HOXD3: variants seen among roughly 807,000 people sequenced by gnomAD.
HOXD3 encodes homeobox protein Hox-D3.
Under a neutral mutation model 32.8 loss-of-function variants are expected in HOXD3, and 13 were observed. The ratio of observed to expected loss-of-function variants is 0.40; its 90% CI spans 0.26 to 0.63. The LOEUF is 0.63. Ranked by LOEUF, HOXD3 falls within the 20% of genes least tolerant of loss-of-function variation. The pLI is 0.44. For missense variants in HOXD3, 504 were observed against 577.1 expected, an observed-to-expected ratio of 0.87 and a Z score of 1.30; for synonymous variants, 241 against 246.8, an observed-to-expected ratio of 0.98 and a Z score of 0.22.
upstream of HOXD3, among the ~76,000 whole-genome samples, chr2:176,156,030 G>A (rs1487522691): frequency 6.6e-6 from 1 of 152,158 alleles, no homozygotes; most frequent in African/African-American, 2.4e-5. Flanking sequence ...TAGTTTTGAT[G>A]TAATTCATTG....
chr2:176,166,259 A>G (rs1205662177), intron 2 of HOXD3, among the ~76,000 whole-genome samples: 2 of 152,240 alleles, frequency 1.3e-5, no homozygotes, highest in Non-Finnish European at 2.9e-5. Flanking sequence ...AAGCAAATAT[A>G]TATATAAAGC....
At chr2:176,161,087 A>C (rs1358781729) in intron 1 of HOXD3, 1 of 152,226 alleles carries the variant, frequency 6.6e-6, no homozygotes, top group Non-Finnish European at 1.5e-5. Context: ...CCAGGTAAGC[A>C]ATTGCATGAC....
chr2:176,155,925 C>G, upstream of HOXD3, among the ~76,000 whole-genome samples: 1 of 152,028 alleles, frequency 6.6e-6, no homozygotes, highest in African/African-American at 2.4e-5. Context: ...GTCAGTCAGC[C>G]CATGATGTCT....
rs766134220 is a variant in HOXD3, at chr2:176,171,794, C to G, written c.819C>G (p.Leu273=). 1.1e-5 allele frequency: 17 copies of G among 1,612,936 alleles called. No homozygotes were observed. The South Asian group carries it at 1.6e-4, about 16-fold the overall frequency. The part of the protein sequence containing the change: ...ASQSPERSPP[L]GGAAGHVAYS... Reference sequence around the variant, plus strand: ...AGTCCCCTGAGCGCAGCCCACCGCTCGGCGGCGCCGCTGGCCACGTGGCCT... The same window carrying G: ...AGTCCCCTGAGCGCAGCCCACCGCTGGGCGGCGCCGCTGGCCACGTGGCCT... The change falls in exon 4 of 4, where the codon CTC becomes CTG. Residue 273 remains leucine, a synonymous_variant. Coordinates refer to ENST00000683222, the MANE Select transcript of HOXD3 (RefSeq NM_006898.5).
upstream of HOXD3, among the ~76,000 whole-genome samples, chr2:176,154,892 T>G (rs1037547009): frequency 1.3e-5 from 2 of 152,220 alleles, no homozygotes; most frequent in African/African-American, 4.8e-5. Flanking sequence ...TCATACATAG[T>G]CAAGACGTCT....
chr2:176,161,553 A>C (rs1014915257), intron 1 of HOXD3, among the ~76,000 whole-genome samples: 1 of 152,146 alleles, frequency 6.6e-6, no homozygotes, highest in East Asian at 1.9e-4. Flanking sequence ...GGGTTGATTT[A>C]TATGTATTTA....
chr2:176,153,901 G>C (rs1467720418), upstream of HOXD3, among the ~76,000 whole-genome samples: 1 of 152,028 alleles, frequency 6.6e-6, no homozygotes, highest in Admixed American at 6.6e-5. Context: ...CTATGCACTG[G>C]GTCATTAGAT....
Position 176,169,224 on chromosome 2 carries a change from C to G in HOXD3, c.110C>G (p.Thr37Ser). 1 of 1,614,142 alleles carries G rather than the reference C, an allele frequency of 6.2e-7. No individual in the cohort carries two copies. The stretch of plus-strand genomic sequence containing the variant: ...TTTGGAGGCTATGGCTACAGCAAAA[C>G]TACGGACACTTACGGCTACAGCACC... ...GLFGGYGYSK[T>S]TDTYGYSTPH... Residue 37 changes from threonine (T) to serine (S), a missense_variant, in exon 3 of 4, where the codon ACT becomes AGT. Transcript: ENST00000683222.
In HOXD3 at chr2:176,171,862, C is replaced by A. The variant is rs1180468526; in HGVS notation, c.887C>A (p.Ala296Glu). The change falls in exon 4 of 4, where the codon GCG (alanine) becomes GAG (glutamate). Residue 296 changes from alanine to glutamate, a missense_variant. Coordinates refer to ENST00000683222, the MANE Select transcript of HOXD3 (RefSeq NM_006898.5). ...LPPVPGLAYD[A>E]PSPPAFAKSQ... The stretch of plus-strand genomic sequence containing the variant: ...CCAGTGCCCGGCCTGGCCTACGACG[C>A]GCCCTCGCCGCCTGCTTTCGCCAAA... 2.5e-6 allele frequency: 4 copies of A among 1,599,980 alleles called. No homozygotes were observed. Among genetic ancestry groups the A allele is most frequent in the South Asian group, 1.1e-5 (1 of 88,928 alleles).
At position 176,171,955 on chromosome 2, in the gene HOXD3, A is replaced by C; in HGVS notation, c.980A>C (p.Lys327Thr). 6.2e-7 allele frequency: 1 copy of C among 1,610,580 alleles called. No individual in the cohort carries two copies. The highest frequency in any genetic ancestry group is 1.7e-5 in the Admixed American group (1 of 59,900). The change falls in exon 4 of 4, where the codon AAG becomes ACG. Residue 327 changes from lysine to threonine, a missense_variant. Physicochemically the swap from Lys to Thr is moderately conservative, Grantham distance 78 (BLOSUM62 -1). This residue lies in a region of HOXD3 where 226 missense variants were observed against 246.9 expected (regional missense o/e 0.92). Coordinates refer to ENST00000683222, the MANE Select transcript of HOXD3 (RefSeq NM_006898.5). ...CTCAGCAGCTGCCTGCCACAACAGA[A>C]GCGCTACGCAGCGCCGGAGTTCGAG... ...APLSSCLPQQKRYAAPEFEPH... is the reference protein window; with the variant it reads ...APLSSCLPQQTRYAAPEFEPH...
chr2:176,152,569 G>A, upstream of HOXD3: 3 of 1,557,198 alleles, frequency 1.9e-6, no homozygotes, highest in Non-Finnish European at 2.7e-6. This position sits in a 1 kb window ranked among gnomAD's most constrained non-coding sequence, Gnocchi z 5.2. Context: ...ACTAGTGGCC[G>A]GGCGCTGACC....
Position 176,170,599 on chromosome 2 carries a change from G to A in HOXD3, c.542-918G>A, listed in dbSNP as rs1487182310. 2.6e-5 allele frequency among the ~76,000 whole-genome samples: 4 copies of A among 152,162 alleles called. No homozygotes were observed. The East Asian group carries it at 7.7e-4, about 29-fold the overall frequency. ...CTTCCAGGTCCAGGGCAAGTTTGGG[G>A]CCTGGGGTGTGGCTTGCTATCAGGG... On this transcript the variant is annotated intron_variant, in intron 3 of 3. Coordinates refer to ENST00000683222, the MANE Select transcript of HOXD3 (RefSeq NM_006898.5).
At chr2:176,170,519 A>G (rs1691135123) in intron 3 of HOXD3, among the ~76,000 whole-genome samples, 1 of 152,096 alleles carries the variant, frequency 6.6e-6, no homozygotes, top group East Asian at 1.9e-4. Flanking sequence ...TTGGTTCCTG[A>G]AATTTTCTGA....
upstream of HOXD3, among the ~76,000 whole-genome samples, chr2:176,155,331 A>G (rs1177354004): frequency 6.6e-6 from 1 of 152,186 alleles, no homozygotes; most frequent in African/African-American, 2.4e-5. Flanking sequence ...TTCATACCAA[A>G]TGCCACACAG....
At chr2:176,156,952 T>C (rs953334974), upstream of HOXD3, among the ~76,000 whole-genome samples, 7 of 152,198 alleles carry the variant, frequency 4.6e-5, no homozygotes, top group Non-Finnish European at 8.8e-5. Flanking sequence ...CCTCTGCCCG[T>C]CTTCTGCTTA....
intron 2 of HOXD3, among the ~76,000 whole-genome samples, chr2:176,167,851 G>A (rs1052507141): frequency 1.3e-5 from 2 of 152,006 alleles, no homozygotes; most frequent in African/African-American, 4.8e-5. Flanking sequence ...CTACATGCAG[G>A]GCACTGTGCT....
upstream of HOXD3, chr2:176,152,992 G>C (rs1302755224): frequency 6.3e-7 from 1 of 1,577,520 alleles, no homozygotes. The surrounding 1 kb of genome is among the most constrained non-coding windows in gnomAD (Gnocchi z 5.2). Flanking sequence ...CTGAGCCGAA[G>C]CTGCGGGGGC....
chr2:176,169,318 C>T lies in HOXD3; in HGVS notation c.204C>T (p.Cys68=). The change falls in exon 3 of 4, where the codon TGC becomes TGT. Residue 68 remains cysteine, a synonymous_variant. Coordinates refer to ENST00000683222, the MANE Select transcript of HOXD3 (RefSeq NM_006898.5). The part of the protein sequence containing the change: ...SLDTDYPGSA[C]SIQSSAPLRA... ...ACACTGACTATCCAGGTTCTGCCTG[C>T]TCCATCCAGAGCTCTGCCCCTCTGA... is the stretch of plus-strand genomic sequence containing the variant. 6.2e-7 allele frequency: 1 copy of T among 1,614,148 alleles called. No individual in the cohort carries two copies. Among genetic ancestry groups the T allele is most frequent in the South Asian group, 1.1e-5 (1 of 91,078 alleles).
In HOXD3 at chr2:176,169,126, G is replaced by T; in HGVS notation, c.12G>T (p.Glu4Asp). Residue 4 changes from glutamate to aspartate, a missense_variant, in exon 3 of 4, where the codon GAG becomes GAT. Physicochemically the swap from Glu to Asp is conservative, Grantham distance 45. Transcript: ENST00000683222. Reference sequence around the variant, plus strand: ...TACAGTGGTAGTCAATGTTATTTGAGCAGGGTCAGCAGGCCCTGGAGCTTC... The same window carrying T: ...TACAGTGGTAGTCAATGTTATTTGATCAGGGTCAGCAGGCCCTGGAGCTTC... MLF[E>D]QGQQALELPE... 6.2e-7 allele frequency: 1 copy of T among 1,608,916 alleles called. No homozygotes were observed. Among genetic ancestry groups the T allele is most frequent in the Non-Finnish European group, 8.5e-7 (1 of 1,177,116 alleles).
Sources: gnomAD v4.1 joint callset for allele counts (sites outside exome capture counted in the v4.1 genomes callset) on GRCh38, gnomAD v4.1.1 for gene constraint, gnomAD v4.1.1 regional missense constraint, Gnocchi (gnomAD v3.1) non-coding constraint, MANE v1.5 for transcripts, NCBI Gene and HGNC (gene_info 2026-07-23, HGNC 2026-07-21) for gene names.